Variants in PAICS observed in about 807,000 individuals in gnomAD.
The protein encoded by PAICS is phosphoribosylaminoimidazole carboxylase and phosphoribosylaminoimidazolesuccinocarboxamide synthase.
PAICS carries 33 observed loss-of-function variants against 53.7 expected under a neutral mutation model. The observed-to-expected ratio is 0.61, with a 90% confidence interval of 0.47 to 0.82. The LOEUF (loss-of-function observed/expected upper bound fraction) is 0.82. Ranked by LOEUF, PAICS falls within the 40% of genes least tolerant of loss-of-function variation. The pLI, the probability that PAICS is intolerant of heterozygous loss-of-function variation, is 0.00. For missense variants in PAICS, 394 were observed against 494.1 expected, an observed-to-expected ratio of 0.80 and a Z score of 1.92; for synonymous variants, 141 against 167.2, an observed-to-expected ratio of 0.84 and a Z score of 1.21.
chr4:56,438,419 T>G (rs1718163844), intron 1 of PAICS, among the ~76,000 whole-genome samples: 1 of 138,166 alleles, frequency 7.2e-6, no homozygotes, highest in African/African-American at 2.5e-5. Flanking sequence ...TTTTTTTTGT[T>G]GTTGTTTTTT....
rs562128018 is a variant in PAICS at position 56,457,657 on chromosome 4, ATTAAGT to A, written c.1112-1712_1112-1707del. On this transcript the variant is annotated intron_variant, in intron 8 of 8. Transcript: ENST00000512576. ...CATCTTTCCCTGCTTTCAGTTTAGA[ATTAAGT>A]TTTTTTTTTTTTTTTTTTTTAAATG... Among the ~76,000 whole-genome samples, 266 of 144,066 alleles carry A rather than the reference ATTAAGT, an allele frequency of 1.8e-3. 9 individuals are homozygous for A. In the South Asian group the frequency reaches 0.041, roughly 22 times the overall value. 94.5% of individuals were successfully genotyped at this position (144,066 alleles called of 152,430 possible).
At chr4:56,450,846 C>A (rs536288110) in intron 6 of PAICS, 144 bp downstream of exon 6, 177 of 575,194 alleles carry the variant, frequency 3.1e-4, no homozygotes, top group Non-Finnish European at 5.0e-4. Context: ...GAGACGGAGT[C>A]TTGCTCTGTC....
Position 56,441,821 on chromosome 4 carries a change from A to G in PAICS, c.175A>G (p.Lys59Glu). ...HLEGKAAISN[K>E]ITSCIFQLLQ... The stretch of plus-strand genomic sequence containing the variant: ...GGAAGGAAAAGCTGCAATCTCAAAT[A>G]AAATCACCAGTTGTATTTTTCAGTT... The change falls in exon 2 of 9, where the codon AAA (lysine) becomes GAA (glutamate). Residue 59 changes from lysine (K) to glutamate (E), a missense_variant. Physicochemically the swap from Lys to Glu is moderately conservative, Grantham distance 56. Around this residue, in one of 3 missense-constraint regions of PAICS, gnomAD observed 168 missense variants for 199.3 expected, o/e 0.84. Coordinates refer to ENST00000512576, the MANE Select transcript of PAICS (RefSeq NM_001079524.2). The G allele has an allele frequency of 6.3e-7, 1 of 1,599,434 alleles. No homozygotes were observed. The highest frequency in any genetic ancestry group is 1.1e-5 in the South Asian group (1 of 88,192).
At position 56,452,112 on chromosome 4, in the gene PAICS, C is replaced by T. The variant is rs188864380; in HGVS notation, c.952+60C>T. 367 of 1,060,062 alleles carry T rather than the reference C, an allele frequency of 3.5e-4. 1 individual carries two copies. Among genetic ancestry groups the T allele is most frequent in the Middle Eastern group, 2.7e-3 (13 of 4,870 alleles). The allele number at this position is 1,060,062 out of a possible 1,614,324, so 65.7% of individuals were successfully genotyped here. On this transcript the variant is annotated intron_variant, in intron 7 of 8. Coordinates refer to ENST00000512576, the MANE Select transcript of PAICS (RefSeq NM_001079524.2). ...TCTGATTTTGCTAAAAGTAATTACA[C>T]ACTTTAGACTAATAATGCTGAAAAA...
chr4:56,411,752 AG>A, the PAICS span, among the ~76,000 whole-genome samples: 2 of 152,266 alleles, frequency 1.3e-5, no homozygotes, highest in African/African-American at 2.4e-5. Context: ...CAAAAAGGAC[AG>A]AACTGCAAAT....
In PAICS at chr4:56,449,349, T is replaced by TA. The variant is rs1406321102; in HGVS notation, c.687+532dup. On this transcript the variant is annotated intron_variant, in intron 5 of 8. Transcript: ENST00000512576. ...CTCACACCAGTCAGAATGGCTGTTT[T>TA]AAAAAAGTCAGGAAACAACAGATGC... Among the ~76,000 whole-genome samples the TA allele has an allele frequency of 3.9e-5, 6 of 152,232 alleles. No homozygotes were observed. The South Asian group carries it at 6.3e-4, about 16-fold the overall frequency.
chr4:56,449,013 T>G (rs768968760), intron 5 of PAICS, among the ~76,000 whole-genome samples, 190 bp downstream of exon 5: 1 of 152,196 alleles, frequency 6.6e-6, no homozygotes, highest in Non-Finnish European at 1.5e-5. Context: ...TACTTTACAT[T>G]TATAAAGCAA....
the PAICS span, among the ~76,000 whole-genome samples, chr4:56,426,381 G>A: frequency 1.3e-5 from 2 of 151,478 alleles, no homozygotes; most frequent in Non-Finnish European, 2.9e-5. Flanking sequence ...CAGCCTGGGC[G>A]ACTGAGCAAG....
At chr4:56,436,430 C>T in intron 1 of PAICS, 102 bp downstream of exon 1, 1 of 1,013,946 alleles carries the variant, frequency 9.9e-7, no homozygotes. Context: ...CTCCCTGCAG[C>T]AGCGCCTCTA....
chr4:56,435,052 C>T (rs1026972713), upstream of PAICS, among the ~76,000 whole-genome samples: 12 of 152,160 alleles, frequency 7.9e-5, no homozygotes, highest in African/African-American at 2.9e-4. Context: ...CCAAGCAAAC[C>T]GGCGGTTTAC....
At chr4:56,417,835 G>GTTTTTTTTTTTTTTTTTTTTTTTT in the PAICS span, among the ~76,000 whole-genome samples, 9 of 102,512 alleles carry the variant, frequency 8.8e-5, no homozygotes, top group African/African-American at 2.8e-4. Context: ...TGAAGATTTG[G>GTTTTTTTTTTTTTTTTTTTTTTTT]TTTTTTGTTT....
At chr4:56,450,516 T>C (rs1718850922) in intron 5 of PAICS, 103 bp from the exon 6 acceptor site, 3 of 651,150 alleles carry the variant, frequency 4.6e-6, no homozygotes, top group Non-Finnish European at 5.5e-6. Flanking sequence ...GAAGTATCCC[T>C]TGCTATACAA....
intron 8 of PAICS, among the ~76,000 whole-genome samples, chr4:56,454,243 G>C (rs1382072234): frequency 2.0e-5 from 3 of 152,136 alleles, no homozygotes; most frequent in Non-Finnish European, 4.4e-5. Context: ...AAAGTCCTTG[G>C]GCATGTGCAG....
At chr4:56,415,039 CT>C in the PAICS span, among the ~76,000 whole-genome samples, 1 of 151,986 alleles carries the variant, frequency 6.6e-6, no homozygotes, top group Admixed American at 6.6e-5. Flanking sequence ...CATAGAAACC[CT>C]AATAGAGTTT....
the PAICS span, among the ~76,000 whole-genome samples, chr4:56,426,325 C>T: frequency 6.6e-6 from 1 of 152,056 alleles, no homozygotes; most frequent in African/African-American, 2.4e-5. Context: ...TCACTTGAAC[C>T]CAGGAGGCGG....
At chr4:56,416,779 C>T in the PAICS span, among the ~76,000 whole-genome samples, 1 of 152,162 alleles carries the variant, frequency 6.6e-6, no homozygotes, top group East Asian at 1.9e-4. Flanking sequence ...TGAAAGTAAA[C>T]ATCAGAGCCA....
At position 56,444,799 on chromosome 4, in the gene PAICS, G is replaced by A. The variant is rs537347224; in HGVS notation, c.215-1896G>A. On this transcript the variant is annotated intron_variant, in intron 2 of 8. Coordinates refer to ENST00000512576, the MANE Select transcript of PAICS (RefSeq NM_001079524.2). ...GCTTTTGGTTCTCCTTGGGATTGGC[G>A]GGGGGATCTCTCTAAGACGAAGTTA... Among the ~76,000 whole-genome samples, 6 of 152,116 alleles carry A rather than the reference G, an allele frequency of 3.9e-5. No homozygotes were observed. The East Asian group carries it at 5.8e-4, about 15-fold the overall frequency.
intron 3 of PAICS, among the ~76,000 whole-genome samples, 179 bp downstream of exon 3, chr4:56,447,052 T>C (rs1718659175): frequency 6.7e-6 from 1 of 150,262 alleles, no homozygotes; most frequent in African/African-American, 2.5e-5. Context: ...CCATTAACAA[T>C]GATAAATCAA....
intron 2 of PAICS, among the ~76,000 whole-genome samples, chr4:56,445,647 A>G (rs574233720): frequency 1.3e-5 from 2 of 152,322 alleles, no homozygotes; most frequent in South Asian, 2.1e-4. Context: ...GACAACATAT[A>G]TAAGACACTT....
Sources: allele counts gnomAD v4.1 joint callset (sites outside exome capture counted in the v4.1 genomes callset), GRCh38; gene constraint gnomAD v4.1.1; regional missense constraint gnomAD v4.1.1; transcripts MANE v1.5; gene names NCBI Gene and HGNC (gene_info 2026-07-23, HGNC 2026-07-21).